The following CABCOCO1 variants were observed in gnomAD, a reference collection of about 807,000 sequenced individuals.
The protein encoded by CABCOCO1 is ciliary-associated calcium-binding coiled-coil protein 1.
Under a neutral mutation model 35.7 loss-of-function variants are expected in CABCOCO1, and 28 were observed. The ratio of observed to expected loss-of-function variants is 0.78; its 90% CI spans 0.58 to 1.07. CABCOCO1 has a LOEUF of 1.07. Among genes scored for constraint, CABCOCO1 ranks in the 50% least tolerant of loss-of-function variants. The pLI, the probability that CABCOCO1 is intolerant of heterozygous loss-of-function variation, is 0.00. For synonymous variants in CABCOCO1, 95 were observed against 100.1 expected (o/e 0.95, Z 0.30); for missense variants, 326 against 309.2 (o/e 1.05, Z -0.41).
chr10:61,665,555 AT>A (rs34865392), intron 1 of CABCOCO1, among the ~76,000 whole-genome samples: 116,078 of 152,048 alleles, frequency 0.76, 45,223 homozygotes, highest in Middle Eastern at 0.94. Flanking sequence ...TGTATCAATA[AT>A]TTTTTTCATA....
intron 2 of CABCOCO1, among the ~76,000 whole-genome samples, chr10:61,680,415 A>T (rs1424341318): frequency 3.8e-5 from 5 of 131,218 alleles, no homozygotes; most frequent in Admixed American, 8.4e-5. Context: ...TAACATATAT[A>T]ATATATATTT....
chr10:61,684,318 A>G (rs1839889949), intron 3 of CABCOCO1, among the ~76,000 whole-genome samples: 1 of 152,222 alleles, frequency 6.6e-6, no homozygotes, highest in Admixed American at 6.5e-5. Context: ...TAAGTAGATA[A>G]GAAGCTATAC....
chr10:61,677,136 A>T (rs1234883466), intron 2 of CABCOCO1, among the ~76,000 whole-genome samples: 1 of 151,756 alleles, frequency 6.6e-6, no homozygotes, highest in Non-Finnish European at 1.5e-5. Context: ...TATGGACAAA[A>T]TCCAACGTAG....
At chr10:61,743,077 C>T (rs1589150902) in intron 5 of CABCOCO1, among the ~76,000 whole-genome samples, 1 of 152,282 alleles carries the variant, frequency 6.6e-6, no homozygotes, top group East Asian at 1.9e-4. Context: ...GGAAAACCAC[C>T]AGTTGCAAGT....
chr10:61,703,469 C>T (rs1255351191), intron 5 of CABCOCO1, among the ~76,000 whole-genome samples: 1 of 152,126 alleles, frequency 6.6e-6, no homozygotes, highest in Non-Finnish European at 1.5e-5. Context: ...GGAAATCTGA[C>T]TTGAATGATC....
intron 5 of CABCOCO1, among the ~76,000 whole-genome samples, chr10:61,757,039 T>C (rs1388846281): frequency 6.6e-6 from 1 of 151,972 alleles, no homozygotes; most frequent in African/African-American, 2.4e-5. Flanking sequence ...AAGCTGACCA[T>C]GTCTCTCTGT....
At chr10:61,670,809 C>T (rs994615764) in intron 1 of CABCOCO1, among the ~76,000 whole-genome samples, 3 of 152,354 alleles carry the variant, frequency 2.0e-5, no homozygotes, top group African/African-American at 7.2e-5. Context: ...CAGCTCTTCT[C>T]TTCATGCCCT....
At chr10:61,715,230 C>A (rs1253841286) in intron 5 of CABCOCO1, among the ~76,000 whole-genome samples, 2 of 152,116 alleles carry the variant, frequency 1.3e-5, no homozygotes, top group African/African-American at 4.8e-5. Context: ...GGATAGTTAG[C>A]TCTTCTTGTT....
intron 5 of CABCOCO1, among the ~76,000 whole-genome samples, chr10:61,759,221 G>A (rs1014844329): frequency 5.3e-5 from 8 of 151,970 alleles, no homozygotes; most frequent in African/African-American, 1.9e-4. Context: ...ATGAAAACGA[G>A]AACCCTCAAG....
intron 5 of CABCOCO1, among the ~76,000 whole-genome samples, chr10:61,736,113 T>G (rs570282323): frequency 6.6e-6 from 1 of 152,296 alleles, no homozygotes; most frequent in South Asian, 2.1e-4. Flanking sequence ...GTAGATTGTA[T>G]GTTTACTCTG....
chr10:61,751,723 A>C (rs1318584719), intron 5 of CABCOCO1, among the ~76,000 whole-genome samples: 2 of 152,234 alleles, frequency 1.3e-5, no homozygotes, highest in Non-Finnish European at 2.9e-5. Context: ...CTTGAAATTT[A>C]GTAACATAAG....
chr10:61,759,373 C>G lies in CABCOCO1; in HGVS notation c.553-686C>G, dbSNP rs548076273. 4.6e-5 allele frequency among the ~76,000 whole-genome samples: 7 copies of G among 152,160 alleles called. No homozygotes were observed. The East Asian group carries it at 1.4e-3, about 29-fold the overall frequency. Reference sequence around the variant, plus strand: ...ACCCTCATCTCCCCTTTCCCTCCCCCAAGTCAGAGTGAGATGAGCACTGCC... The same window carrying G: ...ACCCTCATCTCCCCTTTCCCTCCCCGAAGTCAGAGTGAGATGAGCACTGCC... On this transcript the variant is annotated intron_variant, in intron 5 of 7. Coordinates refer to ENST00000648843, the MANE Select transcript of CABCOCO1 (RefSeq NM_001366906.2).
intron 5 of CABCOCO1, among the ~76,000 whole-genome samples, chr10:61,744,669 C>G (rs1029271814): frequency 1.3e-5 from 2 of 152,112 alleles, no homozygotes; most frequent in Admixed American, 1.3e-4. Context: ...CATATCAGCC[C>G]TCCTCACACT....
At position 61,680,708 on chromosome 10, in the gene CABCOCO1, C is replaced by T. The variant is rs1220520697; in HGVS notation, c.165-435C>T. On this transcript the variant is annotated intron_variant, in intron 2 of 7. Coordinates refer to ENST00000648843, the MANE Select transcript of CABCOCO1 (RefSeq NM_001366906.2). The stretch of plus-strand genomic sequence containing the variant: ...ACATGTATAACATATATATGTTATA[C>T]ATGTATAACATATATATTATATATA... Among the ~76,000 whole-genome samples the T allele has an allele frequency of 3.4e-4, 29 of 85,104 alleles. 1 individual carries two copies. The highest frequency in any genetic ancestry group is 6.0e-4 in the African/African-American group (12 of 20,024). 55.8% of individuals were successfully genotyped at this position (85,104 alleles called of 152,430 possible).
chr10:61,737,383 G>C (rs1320265964), intron 5 of CABCOCO1, among the ~76,000 whole-genome samples: 1 of 152,132 alleles, frequency 6.6e-6, no homozygotes, highest in Non-Finnish European at 1.5e-5. Flanking sequence ...ATTGTGGAAA[G>C]CAGTGTGGTG....
intron 2 of CABCOCO1, among the ~76,000 whole-genome samples, chr10:61,675,040 A>G (rs1379849484): frequency 6.6e-6 from 1 of 152,156 alleles, no homozygotes; most frequent in Non-Finnish European, 1.5e-5. Context: ...AAGAATTAAA[A>G]TGCACCCCAT....
At chr10:61,718,593 TG>T (rs1165044081) in intron 5 of CABCOCO1, among the ~76,000 whole-genome samples, 4 of 152,062 alleles carry the variant, frequency 2.6e-5, no homozygotes, top group African/African-American at 9.7e-5. Context: ...ATTTCCTAAG[TG>T]GGGGTTAGGA....
At chr10:61,737,872 G>A (rs914558437) in intron 5 of CABCOCO1, among the ~76,000 whole-genome samples, 2 of 151,884 alleles carry the variant, frequency 1.3e-5, no homozygotes, top group African/African-American at 4.8e-5. Flanking sequence ...TAAGTACCTG[G>A]GTGATGTAAT....
chr10:61,746,444 C>T (rs1235624482), intron 5 of CABCOCO1, among the ~76,000 whole-genome samples: 1 of 152,092 alleles, frequency 6.6e-6, no homozygotes, highest in African/African-American at 2.4e-5. Flanking sequence ...ATGAAAAAAA[C>T]ATGCTTATAT....
Sources: gnomAD v4.1 joint callset for allele counts (sites outside exome capture counted in the v4.1 genomes callset) on GRCh38, gnomAD v4.1.1 for gene constraint, MANE v1.5 for transcripts, NCBI Gene and HGNC (gene_info 2026-07-23, HGNC 2026-07-21) for gene names.